Variants in ABCE1 observed in about 807,000 individuals in gnomAD.
ABCE1 encodes ATP-binding cassette sub-family E member 1.
A neutral mutation model predicts 83.4 loss-of-function variants in ABCE1; 22 were observed. The observed-to-expected ratio is 0.26, with a 90% CI of 0.19 to 0.38. The LOEUF is 0.38. Ranked by LOEUF, ABCE1 falls within the 10% of genes least tolerant of loss-of-function variation. ABCE1 has a pLI of 1.00. For missense variants in ABCE1, 330 were observed against 721.9 expected (o/e 0.46, Z 6.22); for synonymous variants, 204 against 233.7 (o/e 0.87, Z 1.16).
chr4:145,122,230 A>G (rs1289656558), intron 13 of ABCE1: 1 of 152,190 alleles, frequency 6.6e-6, no homozygotes, highest in Non-Finnish European at 1.5e-5. Flanking sequence ...TGTTTTGTCT[A>G]CTTGGCTTAG....
intron 5 of ABCE1, 149 bp downstream of exon 5, chr4:145,109,398 C>T (rs998527178): frequency 5.8e-5 from 30 of 514,884 alleles, no homozygotes; most frequent in Admixed American, 2.3e-4. Context: ...CTCTTTTGTA[C>T]TTTTGAACTA....
chr4:145,109,466 C>T (rs1749401161), intron 5 of ABCE1, among the ~76,000 whole-genome samples: 1 of 152,122 alleles, frequency 6.6e-6, no homozygotes, highest in African/African-American at 2.4e-5. Context: ...TGATCTGAAG[C>T]AGAATTCTGC....
chr4:145,113,672 A>C (rs1749539499), intron 9 of ABCE1, among the ~76,000 whole-genome samples: 1 of 152,190 alleles, frequency 6.6e-6, no homozygotes, highest in Non-Finnish European at 1.5e-5. Flanking sequence ...GCTATTAAAT[A>C]ATCTTCAAAA....
chr4:145,106,395 A>T (rs949955018), intron 3 of ABCE1, among the ~76,000 whole-genome samples: 11 of 152,166 alleles, frequency 7.2e-5, no homozygotes, highest in Middle Eastern at 3.4e-3. Flanking sequence ...TGGATACCTG[A>T]AACATTTTCA....
intron 9 of ABCE1, among the ~76,000 whole-genome samples, chr4:145,116,511 T>G (rs1749609922): frequency 6.6e-6 from 1 of 151,940 alleles, no homozygotes; most frequent in Admixed American, 6.6e-5. Context: ...GAATTTTTAT[T>G]TGTGTAGGAA....
chr4:145,109,048 G>A (rs1199263778), intron 4 of ABCE1, 84 bp from the exon 5 acceptor site: 7 of 904,902 alleles, frequency 7.7e-6, no homozygotes, highest in Non-Finnish European at 1.2e-5. Flanking sequence ...AAGTGCAGGT[G>A]CATTAAAATA....
rs1480119878 is a variant in ABCE1 at position 145,125,119 on chromosome 4, C to CTT, written c.1752+19_1752+20dup. ...CAATTAAGGTATGTAGAAAAGTTGTCTTAAATCATGGATTACTGATCTCAG... is the reference window on the plus strand; with the variant it reads ...CAATTAAGGTATGTAGAAAAGTTGTCTTTTAAATCATGGATTACTGATCTCAG... On this transcript the variant is annotated intron_variant, in intron 17 of 17. Coordinates refer to ENST00000296577, the MANE Select transcript of ABCE1 (RefSeq NM_002940.3). The CTT allele has an allele frequency of 6.6e-7, 1 of 1,521,300 alleles. No individual in the cohort carries two copies. The highest frequency in any genetic ancestry group is 1.7e-5 in the Admixed American group (1 of 59,132). 94.2% of individuals were successfully genotyped at this position (1,521,300 alleles called of 1,614,324 possible).
intron 5 of ABCE1, among the ~76,000 whole-genome samples, chr4:145,109,753 T>G (rs1447604378): frequency 6.6e-6 from 1 of 152,222 alleles, no homozygotes; most frequent in African/African-American, 2.4e-5. Context: ...TGCTTTTCAT[T>G]TCTGAATCCT....
chr4:145,104,653 G>GAACAAACTACT, intron 2 of ABCE1, 138 bp downstream of exon 2: 1 of 543,346 alleles, frequency 1.8e-6, no homozygotes, highest in Non-Finnish European at 2.9e-6. Context: ...AAGAAAAGTA[G>GAACAAACTACT]TTTGTTCTAA....
At chr4:145,117,185 T>G (rs1402679600) in intron 9 of ABCE1, 108 bp from the exon 10 acceptor site, 5 of 920,052 alleles carry the variant, frequency 5.4e-6, no homozygotes, top group Non-Finnish European at 7.7e-6. Flanking sequence ...CTTTTGCTTC[T>G]TATGTCTTTA....
intron 1 of ABCE1, among the ~76,000 whole-genome samples, chr4:145,098,692 C>T (rs1428953286): frequency 6.6e-6 from 1 of 152,176 alleles, no homozygotes; most frequent in African/African-American, 2.4e-5. Context: ...ACCTAGATGC[C>T]GTAGTCTCCA....
intron 3 of ABCE1, 27 bp downstream of exon 3, chr4:145,105,717 A>C: frequency 6.7e-7 from 1 of 1,495,284 alleles, no homozygotes; most frequent in South Asian, 1.2e-5. Flanking sequence ...TTACTGGATC[A>C]AACGTGTAAC....
Position 145,128,010 on chromosome 4 carries a change from A to G in ABCE1, c.*437A>G, listed in dbSNP as rs1462999960. On this transcript the variant is annotated 3_prime_UTR_variant, in exon 18 of 18. Transcript: ENST00000296577. ...ATTTTAAAAGCCAGTCAAAGATTCC[A>G]CTGATTGACATTTGATAAATAAACA... 6.5e-6 allele frequency: 1 copy of G among 153,890 alleles called. No homozygotes were observed. The allele number at this position is 153,890 out of a possible 1,614,324, so 9.5% of individuals were successfully genotyped here.
At chr4:145,112,354 GTGT>G (rs1749503735) in intron 9 of ABCE1, 26 bp downstream of exon 9, 1 of 1,433,014 alleles carries the variant, frequency 7.0e-7, no homozygotes, top group Admixed American at 2.1e-5. Flanking sequence ...GCATATTACT[GTGT>G]TGTTTTGTTT....
At chr4:145,116,326 A>G (rs889550381) in intron 9 of ABCE1, among the ~76,000 whole-genome samples, 1 of 151,940 alleles carries the variant, frequency 6.6e-6, no homozygotes, top group Admixed American at 6.6e-5. Flanking sequence ...AAAATGAGAT[A>G]TGAAAGAAAT....
chr4:145,102,734 A>C (rs1419985805), intron 1 of ABCE1, among the ~76,000 whole-genome samples: 1 of 152,172 alleles, frequency 6.6e-6, no homozygotes, highest in African/African-American at 2.4e-5. Flanking sequence ...GAGATAATGA[A>C]AGGTTTGAAG....
intron 3 of ABCE1, 62 bp from the exon 4 acceptor site, chr4:145,107,953 T>C: frequency 8.0e-7 from 1 of 1,245,240 alleles, no homozygotes; most frequent in African/African-American, 1.5e-5. Context: ...TTTAATCCAT[T>C]TTAGTTATGT....
intron 9 of ABCE1, among the ~76,000 whole-genome samples, chr4:145,116,158 GTTTA>G (rs1749602989): frequency 6.6e-6 from 1 of 151,904 alleles, no homozygotes; most frequent in African/African-American, 2.4e-5. Flanking sequence ...TAGAGAAGTG[GTTTA>G]TTTAAGAAAA....
intron 1 of ABCE1, among the ~76,000 whole-genome samples, chr4:145,102,144 A>G (rs190774349): frequency 1.3e-5 from 2 of 152,254 alleles, no homozygotes; most frequent in Admixed American, 6.5e-5. Context: ...GTCAGATGCA[A>G]TTGATTGGTC....
Sources: allele counts gnomAD v4.1 joint callset (sites outside exome capture counted in the v4.1 genomes callset), GRCh38; gene constraint gnomAD v4.1.1; transcripts MANE v1.5; gene names NCBI Gene and HGNC (gene_info 2026-07-23, HGNC 2026-07-21).